ZNF609: variants seen among roughly 807,000 people sequenced by gnomAD.
ZNF609 encodes zinc finger protein 609.
Under a neutral mutation model 109.5 loss-of-function variants are expected in ZNF609, and 11 were observed. That is an observed-to-expected ratio of 0.10 (90% CI 0.06 to 0.17). The LOEUF (loss-of-function observed/expected upper bound fraction) is 0.17. Ranked by LOEUF, ZNF609 falls within the 10% of genes least tolerant of loss-of-function variation. ZNF609 has a pLI of 1.00. For synonymous variants in ZNF609, 646 were observed against 662.0 expected (o/e 0.98, Z 0.37); for missense variants, 1,559 against 1,772.4 (o/e 0.88, Z 2.16).
chr15:64,477,129 TC>T (rs1454844588), intron 1 of ZNF609, among the ~76,000 whole-genome samples: 1 of 150,520 alleles, frequency 6.6e-6, no homozygotes, highest in Non-Finnish European at 1.5e-5. Context: ...TGCTTACTCT[TC>T]TCTTTCTTTT....
At chr15:64,605,980 C>G (rs1342776384) in intron 2 of ZNF609, among the ~76,000 whole-genome samples, 1 of 143,888 alleles carries the variant, frequency 6.9e-6, no homozygotes, top group Admixed American at 7.1e-5. Flanking sequence ...TGGTCTCGAT[C>G]TCCTGACCTC....
chr15:64,544,148 G>A (rs1221581998), intron 2 of ZNF609, among the ~76,000 whole-genome samples: 3 of 152,184 alleles, frequency 2.0e-5, no homozygotes, highest in African/African-American at 7.2e-5. Flanking sequence ...AGACCAGCCT[G>A]GCCAACATGG....
chr15:64,680,581 G>GTT (rs1896869374), intron 7 of ZNF609, 65 bp from the exon 8 acceptor site: 3 of 1,354,976 alleles, frequency 2.2e-6, no homozygotes, highest in Non-Finnish European at 3.1e-6. Context: ...GTGTGTGTGT[G>GTT]TGTGTGTGGT....
At chr15:64,535,956 C>G (rs1045874884) in intron 2 of ZNF609, among the ~76,000 whole-genome samples, 1 of 149,862 alleles carries the variant, frequency 6.7e-6, no homozygotes, top group African/African-American at 2.5e-5. Flanking sequence ...TGCCCACTTT[C>G]TTTTTTTTTC....
intron 3 of ZNF609, among the ~76,000 whole-genome samples, chr15:64,661,732 T>C (rs1896579609): frequency 6.6e-6 from 1 of 152,208 alleles, no homozygotes; most frequent in Non-Finnish European, 1.5e-5. Flanking sequence ...TAAAGTTGGC[T>C]CTTAATAAAC....
At chr15:64,596,100 CT>C (rs1895392954) in intron 2 of ZNF609, among the ~76,000 whole-genome samples, 1 of 152,068 alleles carries the variant, frequency 6.6e-6, no homozygotes, top group Non-Finnish European at 1.5e-5. Flanking sequence ...CATGGTGTGT[CT>C]AGTAATATGA....
chr15:64,624,753 T>G (rs1895925301), intron 3 of ZNF609, among the ~76,000 whole-genome samples: 1 of 132,818 alleles, frequency 7.5e-6, no homozygotes, highest in Non-Finnish European at 1.6e-5. Flanking sequence ...GTTCCCCTGT[T>G]ACGTACACTT....
At chr15:64,580,188 A>T (rs1895074866) in intron 2 of ZNF609, among the ~76,000 whole-genome samples, 1 of 152,214 alleles carries the variant, frequency 6.6e-6, no homozygotes, top group South Asian at 2.1e-4. Flanking sequence ...AGGAATTTAG[A>T]CAGCCTCCTA....
At position 64,500,382 on chromosome 15, in the gene ZNF609, A is replaced by G. The variant is rs1202070363; in HGVS notation, c.747+216A>G. ...ACAGCAGGCCTGGACATTGTGGAAC[A>G]GGATATTTGTTGTTGGGGGCAGCTA... On this transcript the variant is annotated intron_variant, in intron 2 of 9. Transcript: ENST00000326648. The G allele has an allele frequency of 3.9e-6, 3 of 770,018 alleles. No homozygotes were observed. The East Asian group carries it at 8.0e-5, about 21-fold the overall frequency. 47.7% of individuals were successfully genotyped at this position (770,018 alleles called of 1,614,324 possible).
At chr15:64,492,267 C>T (rs1443760516) in intron 1 of ZNF609, among the ~76,000 whole-genome samples, 1 of 151,898 alleles carries the variant, frequency 6.6e-6, no homozygotes, top group Non-Finnish European at 1.5e-5. Flanking sequence ...GAAAAAAAGC[C>T]ACATGTGAAG....
intron 2 of ZNF609, among the ~76,000 whole-genome samples, chr15:64,608,388 T>C (rs1454269111): frequency 2.0e-5 from 3 of 152,218 alleles, no homozygotes; most frequent in Non-Finnish European, 2.9e-5. Context: ...TGCAGAACTC[T>C]AGCACAATAT....
intron 3 of ZNF609, among the ~76,000 whole-genome samples, chr15:64,647,112 G>A (rs1896347609): frequency 1.3e-5 from 2 of 151,248 alleles, no homozygotes; most frequent in Admixed American, 6.6e-5. Context: ...ATCCAGCCTG[G>A]GGGACAGAGT....
chr15:64,681,166 A>G, intron 8 of ZNF609, 143 bp from the exon 9 acceptor site: 2 of 767,676 alleles, frequency 2.6e-6, no homozygotes, highest in Non-Finnish European at 4.3e-6. Flanking sequence ...CAGCTGAGAA[A>G]TAGAGCCTTA....
rs920822928 is a variant in ZNF609 at position 64,642,801 on chromosome 15, AATT to A, written c.973+19758_973+19760del. Among the ~76,000 whole-genome samples, 30 of 152,220 alleles carry A rather than the reference AATT, an allele frequency of 2.0e-4. 1 individual carries two copies. The highest frequency in any genetic ancestry group is 1.8e-3 in the Admixed American group (27 of 15,296). ...AGAGCAAGACCCTGTCTCAAAAAAT[AATT>A]ATTATTATAATGGTTTTCATTTTCT... On this transcript the variant is annotated intron_variant, in intron 3 of 9. Coordinates refer to ENST00000326648, the MANE Select transcript of ZNF609 (RefSeq NM_015042.2).
chr15:64,607,101 G>A (rs534889180), intron 2 of ZNF609, among the ~76,000 whole-genome samples: 2 of 151,904 alleles, frequency 1.3e-5, no homozygotes, highest in African/African-American at 4.8e-5. Context: ...CTGAGATCGC[G>A]CCACTGCACT....
chr15:64,487,597 T>C (rs1678580856), intron 1 of ZNF609, among the ~76,000 whole-genome samples: 1 of 152,130 alleles, frequency 6.6e-6, no homozygotes, highest in South Asian at 2.1e-4. Context: ...TTTTCACCTT[T>C]GATTCACAGG....
At chr15:64,474,096 C>T (rs961803948) in intron 1 of ZNF609, among the ~76,000 whole-genome samples, 7 of 149,690 alleles carry the variant, frequency 4.7e-5, no homozygotes, top group East Asian at 2.0e-4. Context: ...TTAGTAGAGA[C>T]GGGGTTTCAC....
chr15:64,536,733 CCAA>C (rs1894152792), intron 2 of ZNF609, among the ~76,000 whole-genome samples: 1 of 146,762 alleles, frequency 6.8e-6, no homozygotes, highest in African/African-American at 2.5e-5. Flanking sequence ...ACCCCCCCCC[CCAA>C]AAAAAAAATT....
At chr15:64,586,170 C>T (rs1895191448) in intron 2 of ZNF609, among the ~76,000 whole-genome samples, 1 of 151,850 alleles carries the variant, frequency 6.6e-6, no homozygotes, top group South Asian at 2.1e-4. Context: ...ACTAAAAATA[C>T]AAAAAATTAG....
Sources: allele counts gnomAD v4.1 joint callset (sites outside exome capture counted in the v4.1 genomes callset), GRCh38; gene constraint gnomAD v4.1.1; transcripts MANE v1.5; gene names NCBI Gene and HGNC (gene_info 2026-07-23, HGNC 2026-07-21).